Variants in CARMIL1 observed in about 807,000 individuals in gnomAD.
CARMIL1 encodes F-actin-uncapping protein LRRC16A.
In CARMIL1, 90 loss-of-function variants were observed where a neutral mutation model predicts 177.1. The ratio of observed to expected loss-of-function variants is 0.51; its 90% CI spans 0.43 to 0.61. The LOEUF (loss-of-function observed/expected upper bound fraction) is 0.61, where lower values mean the gene tolerates loss of function less well. Among genes scored for constraint, CARMIL1 ranks in the 20% least tolerant of loss-of-function variants. The probability of loss-of-function intolerance (pLI) is 0.00; values close to 1 mark genes in which losing one functional copy is unlikely to be tolerated. For missense variants in CARMIL1, 1,380 were observed against 1,667.0 expected, an observed-to-expected ratio of 0.83 and a Z score of 3.00; for synonymous variants, 577 against 606.2, an observed-to-expected ratio of 0.95 and a Z score of 0.71.
At chr6:25,608,749 G>A (rs140096978) in intron 35 of CARMIL1, among the ~76,000 whole-genome samples, 1 of 152,282 alleles carries the variant, frequency 6.6e-6, no homozygotes, top group East Asian at 1.9e-4. Flanking sequence ...TCACATCCCT[G>A]CTTATTTTGG....
intron 2 of CARMIL1, among the ~76,000 whole-genome samples, chr6:25,366,648 A>G (rs975720744): frequency 2.0e-5 from 3 of 150,852 alleles, no homozygotes; most frequent in African/African-American, 7.3e-5. Flanking sequence ...ACTAGATCTC[A>G]TTATACATTA....
In CARMIL1 at chr6:25,281,136, GCACACA is replaced by G. The variant is rs1554148590; in HGVS notation, c.40+1329_40+1334del. ...CAGACGCACGCGCGTGTGCGCGCGCGCACACACACACACACACACACACACACACAC... is the reference window on the plus strand; with the variant it reads ...CAGACGCACGCGCGTGTGCGCGCGCGCACACACACACACACACACACACAC... On this transcript the variant is annotated intron_variant, in intron 1 of 36. Coordinates refer to ENST00000329474, the MANE Select transcript of CARMIL1 (RefSeq NM_017640.6). 5.4e-3 allele frequency among the ~76,000 whole-genome samples: 709 copies of G among 132,186 alleles called. 3 individuals are homozygous for G. The highest frequency in any genetic ancestry group is 0.012 in the African/African-American group (396 of 33,790). 86.7% of individuals were successfully genotyped at this position (132,186 alleles called of 152,430 possible).
intron 2 of CARMIL1, among the ~76,000 whole-genome samples, chr6:25,356,248 A>G (rs956752194): frequency 3.3e-5 from 5 of 151,830 alleles, no homozygotes; most frequent in African/African-American, 4.8e-5. Context: ...TAGTAGAGAC[A>G]GGGTTTCACC....
chr6:25,416,719 C>G (rs1795386201), intron 2 of CARMIL1, among the ~76,000 whole-genome samples: 1 of 152,168 alleles, frequency 6.6e-6, no homozygotes, highest in African/African-American at 2.4e-5. Flanking sequence ...TGAGGAGTTG[C>G]AGCTTCTAGT....
intron 16 of CARMIL1, among the ~76,000 whole-genome samples, chr6:25,498,634 T>A (rs1200213559): frequency 6.6e-6 from 1 of 152,196 alleles, no homozygotes; most frequent in African/African-American, 2.4e-5. Context: ...ACTCAGCATA[T>A]GTTGGAAATA....
intron 2 of CARMIL1, among the ~76,000 whole-genome samples, chr6:25,362,365 A>G: frequency 6.6e-6 from 1 of 152,256 alleles, no homozygotes; most frequent in Non-Finnish European, 1.5e-5. Context: ...ATCGAAGACC[A>G]GCTATGTATA....
intron 16 of CARMIL1, among the ~76,000 whole-genome samples, chr6:25,495,566 TG>T (rs2151007860): frequency 6.6e-6 from 1 of 151,980 alleles, no homozygotes; most frequent in East Asian, 1.9e-4. Context: ...TGTGTGTGTG[TG>T]TGTGTGTGTT....
chr6:25,344,181 C>G (rs532731805), intron 2 of CARMIL1, among the ~76,000 whole-genome samples: 1 of 152,248 alleles, frequency 6.6e-6, no homozygotes, highest in Admixed American at 6.5e-5. Context: ...TGAAACATCC[C>G]ACTCTTATCA....
chr6:25,433,349 C>T (rs960999479), intron 4 of CARMIL1: 1 of 152,144 alleles, frequency 6.6e-6, no homozygotes, highest in African/African-American at 2.4e-5. Flanking sequence ...GTAAAAGTAC[C>T]CCTGTAGTGA....
rs904495617 is a variant in CARMIL1, at chr6:25,467,763, G to A, written c.690+1815G>A. Among the ~76,000 whole-genome samples the A allele has an allele frequency of 2.0e-5, 3 of 152,152 alleles. No homozygotes were observed. In the South Asian group the frequency reaches 6.2e-4, roughly 32 times the overall value. ...TGCTTATGCCACTTTTCTGTTAACT[G>A]AGATTTAAACACAAAAATACAGTTT... is the stretch of plus-strand genomic sequence containing the variant. On this transcript the variant is annotated intron_variant, in intron 9 of 36. Transcript: ENST00000329474.
chr6:25,396,579 C>G (rs1470942934), intron 2 of CARMIL1, among the ~76,000 whole-genome samples: 1 of 152,090 alleles, frequency 6.6e-6, no homozygotes, highest in Non-Finnish European at 1.5e-5. Flanking sequence ...CCAGGCTGGT[C>G]TCGAACTGCT....
At chr6:25,475,735 T>C (rs1562189487) in intron 11 of CARMIL1, among the ~76,000 whole-genome samples, 1 of 152,190 alleles carries the variant, frequency 6.6e-6, no homozygotes, top group Non-Finnish European at 1.5e-5. Flanking sequence ...TTTGGGGAGA[T>C]GGAAGAGGAA....
chr6:25,372,378 A>G (rs572737390), intron 2 of CARMIL1, among the ~76,000 whole-genome samples: 1 of 152,036 alleles, frequency 6.6e-6, no homozygotes, highest in African/African-American at 2.4e-5. Context: ...ATTCATGAGG[A>G]TGGGATATTT....
chr6:25,473,754 G>C (rs756371241), intron 11 of CARMIL1, among the ~76,000 whole-genome samples: 1 of 152,176 alleles, frequency 6.6e-6, no homozygotes, highest in South Asian at 2.1e-4. Context: ...TGCACAGGGC[G>C]TATACACCCG....
intron 2 of CARMIL1, among the ~76,000 whole-genome samples, chr6:25,406,119 G>T (rs551093649): frequency 6.6e-6 from 1 of 152,198 alleles, no homozygotes; most frequent in Non-Finnish European, 1.5e-5. Flanking sequence ...TATTAAATAT[G>T]TAATCCCACT....
intron 2 of CARMIL1, among the ~76,000 whole-genome samples, chr6:25,302,906 G>A (rs1309336581): frequency 6.6e-6 from 1 of 152,210 alleles, no homozygotes; most frequent in Non-Finnish European, 1.5e-5. Context: ...TGCTTGAGGA[G>A]AAAGAGTGTC....
At chr6:25,320,830 A>G (rs529867034) in intron 2 of CARMIL1, among the ~76,000 whole-genome samples, 23 of 152,372 alleles carry the variant, frequency 1.5e-4, no homozygotes, top group African/African-American at 5.5e-4. Flanking sequence ...CCTGGGCCAC[A>G]TTGTAAGAAG....
At position 25,482,402 on chromosome 6, in the gene CARMIL1, C is replaced by G. The variant is rs538286663; in HGVS notation, c.961+59C>G. The G allele has an allele frequency of 8.1e-5, 59 of 728,974 alleles. No individual in the cohort carries two copies. In the African/African-American group the frequency reaches 1.0e-3, roughly 12 times the overall value. The allele number at this position is 728,974 out of a possible 1,614,324, so 45.2% of individuals were successfully genotyped here. On this transcript the variant is annotated intron_variant, in intron 12 of 36. Coordinates refer to ENST00000329474, the MANE Select transcript of CARMIL1 (RefSeq NM_017640.6). The stretch of plus-strand genomic sequence containing the variant: ...TGAAATATTTCTGCTGCACCTGCTA[C>G]CTTAGTTAGAATTATTTGTTACATT...
intron 26 of CARMIL1, among the ~76,000 whole-genome samples, chr6:25,547,614 T>C (rs1809640594): frequency 6.6e-6 from 1 of 152,164 alleles, no homozygotes; most frequent in Non-Finnish European, 1.5e-5. Context: ...TTTTCAGAAG[T>C]GTGCCAGGCC....
Sources: allele counts gnomAD v4.1 joint callset (sites outside exome capture counted in the v4.1 genomes callset), GRCh38; gene constraint gnomAD v4.1.1; transcripts MANE v1.5; gene names NCBI Gene and HGNC (gene_info 2026-07-23, HGNC 2026-07-21).